EFCAB13: variants seen among roughly 807,000 people sequenced by gnomAD.
The protein encoded by EFCAB13 is EF-hand calcium-binding domain-containing protein 13.
In EFCAB13, 91 loss-of-function variants were observed where a neutral mutation model predicts 110.2. The observed-to-expected ratio is 0.83, with a 90% CI of 0.70 to 0.98. The LOEUF is 0.98. Among genes scored for constraint, EFCAB13 ranks in the 50% least tolerant of loss-of-function variants. EFCAB13 has a pLI of 0.00. For missense variants in EFCAB13, 968 were observed against 1,119.4 expected (o/e 0.86, Z 1.93); for synonymous variants, 323 against 369.9 (o/e 0.87, Z 1.45).
chr17:47,351,305 G>A (rs1345035980), intron 9 of EFCAB13, among the ~76,000 whole-genome samples: 6 of 113,176 alleles, frequency 5.3e-5, no homozygotes, highest in African/African-American at 1.9e-4. Flanking sequence ...GTGTGTGTGT[G>A]CGCGCGCGCG....
chr17:47,383,368 T>G (rs528927840), intron 14 of EFCAB13, among the ~76,000 whole-genome samples: 1 of 152,232 alleles, frequency 6.6e-6, no homozygotes, highest in African/African-American at 2.4e-5. Context: ...TTAATTGTGA[T>G]GTTAGGGTGT....
chr17:47,329,806 T>C (rs142667424), intron 4 of EFCAB13: 3 of 152,306 alleles, frequency 2.0e-5, no homozygotes, highest in Non-Finnish European at 4.4e-5. Flanking sequence ...CTTTCTATTT[T>C]GGGTCATTTT....
intron 21 of EFCAB13, among the ~76,000 whole-genome samples, chr17:47,411,228 C>T (rs908061011): frequency 3.3e-5 from 5 of 152,122 alleles, no homozygotes; most frequent in South Asian, 2.1e-4. Flanking sequence ...TCAGACTCAC[C>T]GTTTATCATT....
Position 47,398,020 on chromosome 17 carries a change from G to A in EFCAB13, c.1945+2043G>A, listed in dbSNP as rs191656389. The stretch of plus-strand genomic sequence containing the variant: ...GCCCCGTCCGGGAGGGAGGTGGGGG[G>A]ATCAGCCCCTGCCCGGCCAGCCGCT... On this transcript the variant is annotated intron_variant, in intron 17 of 24. Coordinates refer to ENST00000331493, the MANE Select transcript of EFCAB13 (RefSeq NM_152347.5). 2.4e-3 allele frequency among the ~76,000 whole-genome samples: 345 copies of A among 145,892 alleles called. 1 individual carries two copies. Among genetic ancestry groups the A allele is most frequent in the African/African-American group, 8.6e-3 (337 of 39,400 alleles).
In EFCAB13 at chr17:47,397,202, C is replaced by G. The variant is rs968145969; in HGVS notation, c.1945+1225C>G. 1.4e-3 allele frequency among the ~76,000 whole-genome samples: 203 copies of G among 145,964 alleles called. 1 individual carries two copies. Among genetic ancestry groups the G allele is most frequent in the African/African-American group, 4.6e-3 (189 of 41,124 alleles). On this transcript the variant is annotated intron_variant, in intron 17 of 24. Coordinates refer to ENST00000331493, the MANE Select transcript of EFCAB13 (RefSeq NM_152347.5). ...GGTTTTCGTATTTTTTTGGTGGAGA[C>G]GGGGTTTCGCTGTGTTGGCCGGGCT...
intron 9 of EFCAB13, among the ~76,000 whole-genome samples, chr17:47,350,585 T>TTGTG (rs1006786816): frequency 2.0e-5 from 3 of 150,590 alleles, no homozygotes; most frequent in African/African-American, 7.3e-5. Flanking sequence ...ACGCCTTTGT[T>TTGTG]TGTGTGTGTG....
At position 47,341,939 on chromosome 17, in the gene EFCAB13, C is replaced by T; in HGVS notation, c.210C>T (p.Ile70=). Residue 70 remains isoleucine (I), a synonymous_variant, in exon 6 of 25, where the codon ATC becomes ATT. Transcript: ENST00000331493. Reference sequence around the variant, plus strand: ...CATTTAGATTTGAAACATCAATAATCTTTTGTGGAGAAGAAAAGTCCTCTG... The same window carrying T: ...CATTTAGATTTGAAACATCAATAATTTTTTGTGGAGAAGAAAAGTCCTCTG... ...EYKKIFETSI[I]FCGEEKSSDF... The T allele has an allele frequency of 2.5e-6, 4 of 1,574,184 alleles. No individual in the cohort carries two copies. The highest frequency in any genetic ancestry group is 3.5e-6 in the Non-Finnish European group (4 of 1,157,872).
At chr17:47,344,045 A>G in intron 6 of EFCAB13, 117 bp from the exon 7 acceptor site, 1 of 1,198,322 alleles carries the variant, frequency 8.3e-7, no homozygotes, top group Non-Finnish European at 1.1e-6. Context: ...CACCAGAAGC[A>G]TAATTAATGA....
intron 15 of EFCAB13, among the ~76,000 whole-genome samples, chr17:47,391,960 C>A (rs1284197719): frequency 6.6e-6 from 1 of 152,056 alleles, no homozygotes; most frequent in Admixed American, 6.6e-5. Context: ...TATGTCAAAA[C>A]CTACAATTCA....
At chr17:47,362,830 T>G (rs190875626) in intron 10 of EFCAB13, among the ~76,000 whole-genome samples, 80 of 152,326 alleles carry the variant, frequency 5.3e-4, no homozygotes, top group Non-Finnish European at 8.4e-4. Context: ...GTAACCCATG[T>G]GACCTTACCT....
At chr17:47,404,048 GTT>G in intron 19 of EFCAB13, 27 bp downstream of exon 19, 2 of 1,329,776 alleles carry the variant, frequency 1.5e-6, no homozygotes, top group Non-Finnish European at 2.0e-6. Flanking sequence ...TTACTCTCAG[GTT>G]TTTTTTTTGT....
intron 24 of EFCAB13, among the ~76,000 whole-genome samples, chr17:47,434,753 G>A (rs1297662061): frequency 6.6e-6 from 1 of 152,032 alleles, no homozygotes; most frequent in Admixed American, 6.6e-5. Context: ...ACAGCCAACT[G>A]ATCTTCGACA....
At chr17:47,417,736 G>A (rs557376094) in intron 23 of EFCAB13, among the ~76,000 whole-genome samples, 1 of 152,106 alleles carries the variant, frequency 6.6e-6, no homozygotes, top group Admixed American at 6.5e-5. Flanking sequence ...GTTTAGCTCT[G>A]TTATAAATCC....
At chr17:47,413,731 A>AT (rs143305829) in intron 22 of EFCAB13, among the ~76,000 whole-genome samples, 9,925 of 150,518 alleles carry the variant, frequency 0.066, 419 homozygotes, top group East Asian at 0.22. Flanking sequence ...CTCACAAGAG[A>AT]TTTTTTTTTT....
At chr17:47,390,213 T>G (rs1277829725) in intron 14 of EFCAB13, among the ~76,000 whole-genome samples, 2 of 151,882 alleles carry the variant, frequency 1.3e-5, no homozygotes, top group Non-Finnish European at 2.9e-5. Flanking sequence ...ATATATTGTG[T>G]GTGTTTGTAT....
intron 11 of EFCAB13, among the ~76,000 whole-genome samples, 192 bp from the exon 12 acceptor site, chr17:47,374,280 C>G (rs940689965): frequency 6.6e-6 from 1 of 152,120 alleles, no homozygotes; most frequent in Admixed American, 6.5e-5. Flanking sequence ...TATATTAAAG[C>G]AGCACATTAC....
intron 17 of EFCAB13, among the ~76,000 whole-genome samples, chr17:47,398,034 C>G (rs1425482042): frequency 7.1e-6 from 1 of 140,792 alleles, no homozygotes; most frequent in Non-Finnish European, 1.5e-5. Flanking sequence ...AGCCCCTGCC[C>G]GGCCAGCCGC....
At chr17:47,330,170 G>A (rs1038889252) in intron 4 of EFCAB13, among the ~76,000 whole-genome samples, 3 of 148,438 alleles carry the variant, frequency 2.0e-5, no homozygotes, top group Non-Finnish European at 4.5e-5. Context: ...ATTTCTAAAC[G>A]TTTATTGTCA....
At chr17:47,424,340 C>T (rs1598764979) in intron 23 of EFCAB13, among the ~76,000 whole-genome samples, 1 of 152,118 alleles carries the variant, frequency 6.6e-6, no homozygotes, top group East Asian at 1.9e-4. Flanking sequence ...GCGGGGAGAA[C>T]GAGGTACTAA....
Sources: gnomAD v4.1 joint callset for allele counts (sites outside exome capture counted in the v4.1 genomes callset) on GRCh38, gnomAD v4.1.1 for gene constraint, MANE v1.5 for transcripts, NCBI Gene and HGNC (gene_info 2026-07-23, HGNC 2026-07-21) for gene names.